Variants in GBP2 observed in about 807,000 individuals in gnomAD.
GBP2 encodes the protein guanylate-binding protein 2.
In GBP2, 54 loss-of-function variants were observed where a neutral mutation model predicts 60.8. The observed-to-expected ratio is 0.89, with a 90% CI of 0.71 to 1.11. GBP2 has a LOEUF of 1.11. Among genes scored for constraint, GBP2 ranks in the 50% most tolerant of loss-of-function variants. The pLI is 0.00. For missense variants in GBP2, 665 were observed against 703.3 expected, an observed-to-expected ratio of 0.95 and a Z score of 0.62; for synonymous variants, 243 against 256.5, an observed-to-expected ratio of 0.95 and a Z score of 0.50.
chr1:89,124,276 C>G (rs964061940), intron 1 of GBP2, among the ~76,000 whole-genome samples: 1 of 152,158 alleles, frequency 6.6e-6, no homozygotes, highest in Non-Finnish European at 1.5e-5. Context: ...ATTGCCAGGT[C>G]AAAAGGTAAG....
chr1:89,112,371 G>T, intron 8 of GBP2, 101 bp downstream of exon 8: 2 of 888,908 alleles, frequency 2.2e-6, no homozygotes, highest in East Asian at 2.4e-5. Context: ...AAAGGCAGAG[G>T]CCCTAGGCAC....
chr1:89,110,147 T>C lies in GBP2; in HGVS notation c.1465+17A>G, dbSNP rs1253297747. 1.9e-6 allele frequency: 3 copies of C among 1,579,866 alleles called. No homozygotes were observed. Among genetic ancestry groups the C allele is most frequent in the Non-Finnish European group, 2.6e-6 (3 of 1,150,486 alleles). ...GAGAGCTTTCCGACCATGTAGAGTG[T>C]TTTCAGCTGTTCTCACCTTCAATCG... On this transcript the variant is annotated intron_variant, in intron 9 of 10. Transcript: ENST00000370466.
chr1:89,108,231 T>A lies in GBP2; in HGVS notation c.1720A>T (p.Ile574Leu). Residue 574 changes from isoleucine (I) to leucine (L), a missense_variant, in exon 11 of 11, where the codon ATA (isoleucine) becomes TTA (leucine). By Grantham distance (5) the Ile-to-Leu change is conservative (BLOSUM62 2). Coordinates refer to ENST00000370466, the MANE Select transcript of GBP2 (RefSeq NM_004120.5). The part of the protein sequence containing the change: ...ENESKRLQKD[I>L]WDIQMRSKSL... ...TTGCTTCTCATCTGGATATCCCATATGTCTTTTTGAAGTCTCTTGCTCTCA... is the reference window on the plus strand; with the variant it reads ...TTGCTTCTCATCTGGATATCCCATAAGTCTTTTTGAAGTCTCTTGCTCTCA... The A allele has an allele frequency of 6.2e-6, 10 of 1,613,704 alleles. No individual in the cohort carries two copies. Among genetic ancestry groups the A allele is most frequent in the Non-Finnish European group, 8.5e-6 (10 of 1,179,780 alleles).
intron 4 of GBP2, chr1:89,119,413 T>C (rs935994592): frequency 6.6e-6 from 1 of 152,150 alleles, no homozygotes; most frequent in African/African-American, 2.4e-5. Flanking sequence ...GTGAGGTCAT[T>C]GATAATGAAC....
Position 89,126,085 on chromosome 1 carries a change from G to C in GBP2, c.-240C>G, listed in dbSNP as rs941557267. The C allele has an allele frequency of 6.6e-6, 1 of 152,208 alleles. No individual in the cohort carries two copies. The highest frequency in any genetic ancestry group is 2.4e-5 in the African/African-American group (1 of 41,442). The allele number at this position is 152,208 out of a possible 1,614,324, so 9.4% of individuals were successfully genotyped here. A position where few individuals can be genotyped will look rare whatever the true frequency, so the allele number is the denominator to read the frequency against. On this transcript the variant is annotated 5_prime_UTR_variant, in exon 1 of 11. Transcript: ENST00000370466. Reference sequence around the variant, plus strand: ...GACCTGACGAGAGACAAGAAAAAGAGGTAACCTCTGCAAAGAAATGCACTA... The same window carrying C: ...GACCTGACGAGAGACAAGAAAAAGACGTAACCTCTGCAAAGAAATGCACTA...
chr1:89,122,435 T>C (rs1245476517), intron 1 of GBP2, among the ~76,000 whole-genome samples: 2 of 152,256 alleles, frequency 1.3e-5, no homozygotes, highest in African/African-American at 4.8e-5. Context: ...CCTTATTCTT[T>C]CCTTGTCTTT....
rs749884286 is a variant in GBP2, at chr1:89,121,988, T to C, written c.-17-5A>G. ...CCATGTCCAGGGTGTTGTTCCCTTG[T>C]GTGCAAGGAAAAAGATGAAATGGAA... On this transcript the variant is annotated splice_polypyrimidine_tract_variant and splice_region_variant and intron_variant, in intron 1 of 10. Transcript: ENST00000370466. 80 of 1,573,078 alleles carry C rather than the reference T, an allele frequency of 5.1e-5. No homozygotes were observed. The highest frequency in any genetic ancestry group is 4.9e-4 in the South Asian group (42 of 86,454).
rs1345171810 is a variant in GBP2 at position 89,108,170 on chromosome 1, G to A, written c.*5C>T. The A allele has an allele frequency of 1.9e-6, 3 of 1,575,926 alleles. No homozygotes were observed. The Admixed American group carries it at 5.0e-5, about 27-fold the overall frequency. On this transcript the variant is annotated 3_prime_UTR_variant, in exon 11 of 11. Transcript: ENST00000370466. The stretch of plus-strand genomic sequence containing the variant: ...CTGGACAGGCAAATTTTGCTCCTTG[G>A]ACTTTTAGAGTATGTTACATATTGG...
At position 89,114,064 on chromosome 1, in the gene GBP2, C is replaced by T. The variant is rs756621156; in HGVS notation, c.1101G>A (p.Met367Ile). ...GGTCCACATCCTTGAAAGAGTTCTTCATGAAGACTTCAATGGCCTCTCTCT... is the reference window on the plus strand; with the variant it reads ...GGTCCACATCCTTGAAAGAGTTCTTTATGAAGACTTCAATGGCCTCTCTCT... Reference protein sequence around the residue: ...DSEREAIEVFMKNSFKDVDQM... With the variant: ...DSEREAIEVFIKNSFKDVDQM... The change falls in exon 7 of 11, where the codon ATG (methionine) becomes ATA (isoleucine). Residue 367 changes from methionine to isoleucine, a missense_variant. Coordinates refer to ENST00000370466, the MANE Select transcript of GBP2 (RefSeq NM_004120.5). 3.7e-6 allele frequency: 6 copies of T among 1,614,222 alleles called. No individual in the cohort carries two copies. Among genetic ancestry groups the T allele is most frequent in the Non-Finnish European group, 5.1e-6 (6 of 1,180,044 alleles).
At position 89,119,937 on chromosome 1, in the gene GBP2, A is replaced by T. The variant is rs139663634; in HGVS notation, c.428+242T>A. ...TTGAAGGTTTGGACAGGCATAGGAG[A>T]TTAAGTCAGATAGAGGATATACAGA... On this transcript the variant is annotated intron_variant, in intron 4 of 10. Transcript: ENST00000370466. 571 of 454,590 alleles carry T rather than the reference A, an allele frequency of 1.3e-3. 4 individuals are homozygous for T. Among genetic ancestry groups the T allele is most frequent in the African/African-American group, 9.5e-3 (478 of 50,216 alleles). 28.2% of individuals were successfully genotyped at this position (454,590 alleles called of 1,614,324 possible).
At chr1:89,116,069 G>T (rs1409089382) in intron 6 of GBP2, among the ~76,000 whole-genome samples, 1 of 151,906 alleles carries the variant, frequency 6.6e-6, no homozygotes, top group Non-Finnish European at 1.5e-5. Context: ...CTGGAGTGCG[G>T]TGGTGCAGTC....
Position 89,112,500 on chromosome 1 carries a change from T to C in GBP2, c.1334A>G (p.Tyr445Cys). ...TATCCCCTTCCTTGGCACCTGGTAGTACTTATTCTTCAGCTCCTGCAGCTT... is the reference window on the plus strand; with the variant it reads ...TATCCCCTTCCTTGGCACCTGGTAGCACTTATTCTTCAGCTCCTGCAGCTT... Reference protein sequence around the residue: ...TQKLQELKNKYYQVPRKGIQA... With the variant: ...TQKLQELKNKCYQVPRKGIQA... The change falls in exon 8 of 11, where the codon TAC becomes TGC. Residue 445 changes from tyrosine (Y) to cysteine (C), a missense_variant. Transcript: ENST00000370466. 6.2e-7 allele frequency: 1 copy of C among 1,614,174 alleles called. No homozygotes were observed. Among genetic ancestry groups the C allele is most frequent in the South Asian group, 1.1e-5 (1 of 91,078 alleles).
At chr1:89,109,927 T>C (rs1398241945) in intron 9 of GBP2, 57 bp from the exon 10 acceptor site, 1 of 1,476,804 alleles carries the variant, frequency 6.8e-7, no homozygotes, top group Non-Finnish European at 9.2e-7. Context: ...GGTGTTCCCT[T>C]TTCCTTTCCC....
In GBP2 at chr1:89,107,807, A is replaced by C. The variant is rs1465142588; in HGVS notation, c.*368T>G. On this transcript the variant is annotated 3_prime_UTR_variant, in exon 11 of 11. Transcript: ENST00000370466. The stretch of plus-strand genomic sequence containing the variant: ...AATAAGAGTATAGGACTGAATATAC[A>C]GTAAGGGTGGTGCATATGAGAGAAA... Among the ~76,000 whole-genome samples, 2 of 152,218 alleles carry C rather than the reference A, an allele frequency of 1.3e-5. No individual in the cohort carries two copies. The highest frequency in any genetic ancestry group is 4.8e-5 in the African/African-American group (2 of 41,452).
At chr1:89,119,964 T>G in intron 4 of GBP2, 1 of 516,862 alleles carries the variant, frequency 1.9e-6, no homozygotes, top group Non-Finnish European at 3.5e-6. Context: ...ATATACAGAG[T>G]CTTGGGTGGC....
chr1:89,121,227 G>T lies in GBP2; in HGVS notation c.234C>A (p.Ile78=). The T allele has an allele frequency of 6.2e-7, 1 of 1,612,008 alleles. No homozygotes were observed. The highest frequency in any genetic ancestry group is 8.5e-7 in the Non-Finnish European group (1 of 1,178,510). Residue 78 remains isoleucine (I), a synonymous_variant, in exon 3 of 11, where the codon ATC becomes ATA. Coordinates refer to ENST00000370466, the MANE Select transcript of GBP2 (RefSeq NM_004120.5). ...TGGGATGAGGCACACACCACATCCA[G>T]ATTCCCTTGGTGTGAGACTTCACTG... ...GSTVKSHTKG[I]WMWCVPHPKK... is the part of the protein sequence containing the mutation.
rs1011552600 is a variant in GBP2, at chr1:89,106,906, T to C, written c.*1269A>G. On this transcript the variant is annotated 3_prime_UTR_variant, in exon 11 of 11. Transcript: ENST00000370466. ...TACTCATAGCTGACACTGCAGAAGC[T>C]TCCAGCATTTCATCCAGAGATCATG... is the stretch of plus-strand genomic sequence containing the variant. The C allele has an allele frequency of 6.6e-6, 1 of 152,208 alleles. No homozygotes were observed. The highest frequency in any genetic ancestry group is 2.4e-5 in the African/African-American group (1 of 41,454). The allele number at this position is 152,208 out of a possible 1,614,324, so 9.4% of individuals were successfully genotyped here.
At chr1:89,113,987 C>A (rs373632756) in intron 7 of GBP2, 29 bp downstream of exon 7, 1 of 1,608,272 alleles carries the variant, frequency 6.2e-7, no homozygotes, top group Non-Finnish European at 8.5e-7. Context: ...TATTTTTCTG[C>A]CTCTCATGAC....
intron 1 of GBP2, among the ~76,000 whole-genome samples, chr1:89,124,064 T>G (rs1481832630): frequency 1.3e-5 from 2 of 152,242 alleles, no homozygotes; most frequent in Non-Finnish European, 2.9e-5. Context: ...GGAAGATTTC[T>G]CAATTCTTTT....
Sources: gnomAD v4.1 joint callset for allele counts (sites outside exome capture counted in the v4.1 genomes callset) on GRCh38, gnomAD v4.1.1 for gene constraint, MANE v1.5 for transcripts, NCBI Gene and HGNC (gene_info 2026-07-23, HGNC 2026-07-21) for gene names.